POLR3A: variants seen among roughly 807,000 people sequenced by gnomAD.
The protein encoded by POLR3A is DNA-directed RNA polymerase III subunit RPC1.
Under a neutral mutation model 152.8 loss-of-function variants are expected in POLR3A, and 112 were observed. That is an observed-to-expected ratio of 0.73 (90% CI 0.63 to 0.86). The LOEUF is 0.86. POLR3A is among the 40% of genes least tolerant of loss of function. The pLI is 0.00. For synonymous variants in POLR3A, 615 were observed against 652.1 expected, an observed-to-expected ratio of 0.94 and a Z score of 0.87; for missense variants, 1,385 against 1,743.1, an observed-to-expected ratio of 0.79 and a Z score of 3.66.
intron 1 of POLR3A, among the ~76,000 whole-genome samples, chr10:78,026,801 C>G (rs1847639798): frequency 6.6e-6 from 1 of 152,206 alleles, no homozygotes; most frequent in African/African-American, 2.4e-5. Context: ...TACTGCTACC[C>G]AACTGGACAT....
intron 9 of POLR3A, among the ~76,000 whole-genome samples, chr10:78,018,703 C>T (rs1564622231): frequency 6.6e-6 from 1 of 151,950 alleles, no homozygotes; most frequent in Non-Finnish European, 1.5e-5. Context: ...GTGTCTCAGG[C>T]TTCTGAGTAG....
intron 15 of POLR3A, among the ~76,000 whole-genome samples, chr10:78,006,163 G>C (rs193086582): frequency 4.7e-4 from 71 of 152,036 alleles, no homozygotes; most frequent in African/African-American, 1.6e-3. Flanking sequence ...TTGGGAGGCC[G>C]AGGTGGGCAG....
rs1847619503 is a variant in POLR3A at position 78,025,118 on chromosome 10, T to C, written c.343A>G (p.Ile115Val). ...LQMICKTCCH[I>V]MLSQEEKKQF... is the part of the protein sequence containing the mutation. ...TTCTTCTCCTCTTGGGACAGCATGA[T>C]GTGGCAGCAGGTTTTGCAGATCATC... Residue 115 changes from isoleucine to valine, a missense_variant, in exon 4 of 31, where the codon ATC (isoleucine) becomes GTC (valine). Ile to Val is a conservative substitution (Grantham distance 29). Transcript: ENST00000372371. The C allele has an allele frequency of 2.5e-6, 4 of 1,614,110 alleles. No individual in the cohort carries two copies. The South Asian group carries it at 4.4e-5, about 18-fold the overall frequency.
Position 77,998,781 on chromosome 10 carries a change from T to C in POLR3A, c.2616+1200A>G, listed in dbSNP as rs903179385. Among the ~76,000 whole-genome samples the C allele has an allele frequency of 3.3e-5, 5 of 152,298 alleles. No individual in the cohort carries two copies. In the East Asian group the frequency reaches 7.7e-4, roughly 24 times the overall value. Reference sequence around the variant, plus strand: ...ATCTAGAACTAGAAATACCATTTGATGCAGCAATCCCATTACTGGGTATAT... The same window carrying C: ...ATCTAGAACTAGAAATACCATTTGACGCAGCAATCCCATTACTGGGTATAT... On this transcript the variant is annotated intron_variant, in intron 19 of 30. Transcript: ENST00000372371.
In POLR3A at chr10:78,028,634, G is replaced by A. The variant is rs529619532; in HGVS notation, c.44+730C>T. The stretch of plus-strand genomic sequence containing the variant: ...TTTTTCGGCCTCAGCCTCCCGAGTA[G>A]CTGGGACCACAAGGGCGCGCCACCA... On this transcript the variant is annotated intron_variant, in intron 1 of 30. Transcript: ENST00000372371. Among the ~76,000 whole-genome samples, 63 of 152,094 alleles carry A rather than the reference G, an allele frequency of 4.1e-4. 1 individual carries two copies. Among genetic ancestry groups the A allele is most frequent in the Admixed American group, 3.1e-3 (48 of 15,280 alleles).
intron 20 of POLR3A, among the ~76,000 whole-genome samples, chr10:77,991,684 G>C (rs548912648): frequency 2.0e-5 from 3 of 152,050 alleles, no homozygotes; most frequent in Non-Finnish European, 4.4e-5. Context: ...CACCACGTAC[G>C]ATTAATTTTT....
At chr10:78,000,764 T>C (rs1847349177) in intron 18 of POLR3A, among the ~76,000 whole-genome samples, 1 of 152,208 alleles carries the variant, frequency 6.6e-6, no homozygotes, top group Admixed American at 6.5e-5. Flanking sequence ...CCTCAAGCAA[T>C]CCTCTTGCCT....
At chr10:77,996,906 A>C (rs1028119129) in intron 19 of POLR3A, among the ~76,000 whole-genome samples, 23 of 152,182 alleles carry the variant, frequency 1.5e-4, no homozygotes, top group Admixed American at 6.5e-5. Context: ...CGATGCAAAA[A>C]TCCTCAATAA....
chr10:78,028,108 C>T (rs141221294), intron 1 of POLR3A, among the ~76,000 whole-genome samples: 61 of 152,294 alleles, frequency 4.0e-4, no homozygotes, highest in African/African-American at 1.4e-3. Context: ...CAAGGTCTCT[C>T]GACCTCTAAT....
chr10:78,013,620 G>A (rs927744080), intron 11 of POLR3A, 30 bp downstream of exon 11: 1 of 1,611,590 alleles, frequency 6.2e-7, no homozygotes, highest in South Asian at 1.1e-5. Flanking sequence ...GAGCTGTTAT[G>A]CAAAAGCTGG....
chr10:78,017,547 G>A (rs941386367), intron 10 of POLR3A, 28 bp downstream of exon 10: 8 of 1,612,442 alleles, frequency 5.0e-6, no homozygotes, highest in Admixed American at 1.7e-5. Context: ...TCTACGTGAT[G>A]GAAAATTTAA....
At chr10:77,987,181 T>C (rs2131932341) in intron 21 of POLR3A, among the ~76,000 whole-genome samples, 1 of 152,276 alleles carries the variant, frequency 6.6e-6, no homozygotes, top group Middle Eastern at 3.4e-3. Context: ...GGTGAGCTGA[T>C]GGCACCTGCC....
At chr10:77,996,981 A>G (rs1340289727) in intron 19 of POLR3A, among the ~76,000 whole-genome samples, 1 of 152,226 alleles carries the variant, frequency 6.6e-6, no homozygotes, top group Non-Finnish European at 1.5e-5. Flanking sequence ...AGTCGGCTTC[A>G]TCCCTGGGAT....
intron 16 of POLR3A, among the ~76,000 whole-genome samples, chr10:78,004,389 A>T (rs999935029): frequency 1.3e-5 from 2 of 152,196 alleles, no homozygotes; most frequent in African/African-American, 2.4e-5. Flanking sequence ...TGAGTGTGCC[A>T]CCAGAACAAG....
chr10:78,026,357 A>G, intron 1 of POLR3A, 128 bp from the exon 2 acceptor site: 1 of 887,654 alleles, frequency 1.1e-6, no homozygotes, highest in South Asian at 1.4e-5. Context: ...ACCAGTATTA[A>G]ATATATTTAA....
intron 26 of POLR3A, among the ~76,000 whole-genome samples, chr10:77,983,232 C>T (rs1847165737): frequency 6.6e-6 from 1 of 152,160 alleles, no homozygotes; most frequent in South Asian, 2.1e-4. Context: ...GCAAAGGAGC[C>T]ACAAGGCAGG....
At chr10:77,993,404 G>T (rs1564616060) in intron 19 of POLR3A, 37 bp from the exon 20 acceptor site, 1 of 1,532,890 alleles carries the variant, frequency 6.5e-7, no homozygotes, top group South Asian at 1.1e-5. Flanking sequence ...GCTGCTTTGA[G>T]AAGACTAGTC....
intron 30 of POLR3A, among the ~76,000 whole-genome samples, chr10:77,979,407 C>A (rs567824297): frequency 2.1e-4 from 32 of 152,344 alleles, no homozygotes; most frequent in Admixed American, 1.8e-3. Flanking sequence ...CCCAAGCCTG[C>A]AGGGTCTTCC....
At chr10:78,019,109 T>G in intron 9 of POLR3A, 53 bp downstream of exon 9, 354 of 1,224,906 alleles carry the variant, frequency 2.9e-4, no homozygotes, top group Non-Finnish European at 3.9e-4. Flanking sequence ...ATGACCACAG[T>G]GAGCTTTGCC....
Sources: allele counts gnomAD v4.1 joint callset (sites outside exome capture counted in the v4.1 genomes callset), GRCh38; gene constraint gnomAD v4.1.1; transcripts MANE v1.5; gene names NCBI Gene and HGNC (gene_info 2026-07-23, HGNC 2026-07-21).